The following TMEM150B variants were observed in gnomAD, a reference collection of about 807,000 sequenced individuals.
TMEM150B encodes the protein transmembrane protein 150B.
A neutral mutation model predicts 25.2 loss-of-function variants in TMEM150B; 33 were observed. The ratio of observed to expected loss-of-function variants is 1.31; its 90% CI spans 0.99 to 1.75. TMEM150B has a LOEUF of 1.75. TMEM150B is among the 40% of genes most tolerant of loss of function. The pLI is 0.00. For synonymous variants in TMEM150B, 133 were observed against 134.8 expected, an observed-to-expected ratio of 0.99 and a Z score of 0.09; for missense variants, 322 against 306.1, an observed-to-expected ratio of 1.05 and a Z score of -0.39.
chr19:55,322,798 C>T, intron 1 of TMEM150B, 55 bp from the exon 2 acceptor site: 8 of 879,568 alleles, frequency 9.1e-6, no homozygotes, highest in Non-Finnish European at 9.5e-6. Flanking sequence ...GTCTGACTGC[C>T]ACTTCCTAAC....
At chr19:55,319,754 A>C in intron 6 of TMEM150B, 1 of 1,233,780 alleles carries the variant, frequency 8.1e-7, no homozygotes, top group Non-Finnish European at 1.0e-6. Context: ...CTGGACCAGT[A>C]ATTTCATCAT....
downstream of TMEM150B, among the ~76,000 whole-genome samples, chr19:55,311,447 G>A (rs1398770900): frequency 1.3e-5 from 2 of 152,122 alleles, no homozygotes; most frequent in Non-Finnish European, 2.9e-5. Context: ...TGAGGGGCCT[G>A]AGACCCCCCC....
Position 55,312,944 on chromosome 19 carries a change from A to G in TMEM150B, c.617T>C (p.Leu206Pro), listed in dbSNP as rs776225757. The G allele has an allele frequency of 5.0e-6, 8 of 1,612,948 alleles. No individual in the cohort carries two copies. The Admixed American group carries it at 6.7e-5, about 13-fold the overall frequency. Residue 206 changes from leucine (L) to proline (P), a missense_variant, in exon 8 of 8, where the codon CTG (leucine) becomes CCG (proline). Coordinates refer to ENST00000326652, the MANE Select transcript of TMEM150B (RefSeq NM_001282011.2). ...FGLLAVDFSALESCTLCVQPW... is the reference protein window; with the variant it reads ...FGLLAVDFSAPESCTLCVQPW... ...CTGAACACACAGGGTGCAGCTCTCC[A>G]GGGCGGAGAAGTCAACGGCTAAGAG...
chr19:55,313,334 C>T (rs1568995668), intron 7 of TMEM150B, among the ~76,000 whole-genome samples: 1 of 152,160 alleles, frequency 6.6e-6, no homozygotes, highest in Non-Finnish European at 1.5e-5. Context: ...TTCCCTGACC[C>T]AGGGAAGGGC....
At chr19:55,320,010 A>G in intron 6 of TMEM150B, 29 bp downstream of exon 6, 1 of 1,613,560 alleles carries the variant, frequency 6.2e-7, no homozygotes, top group East Asian at 2.2e-5. Context: ...GCCGGCCGGG[A>G]CAGACCCTGG....
At chr19:55,313,951 G>A (rs547435151) in intron 7 of TMEM150B, among the ~76,000 whole-genome samples, 2 of 152,158 alleles carry the variant, frequency 1.3e-5, no homozygotes, top group South Asian at 4.2e-4. Flanking sequence ...TACAATCCCA[G>A]CACTTTGGGA....
At chr19:55,311,910 G>C (rs781037937), downstream of TMEM150B, 1 of 1,611,316 alleles carries the variant, frequency 6.2e-7, no homozygotes, top group Non-Finnish European at 8.5e-7. Flanking sequence ...CTCCCTTGCA[G>C]ACGAGAAGAA....
At chr19:55,320,863 T>C (rs12984144) in intron 3 of TMEM150B, 106 bp downstream of exon 3, 3 of 1,284,924 alleles carry the variant, frequency 2.3e-6, no homozygotes, top group Non-Finnish European at 3.1e-6. Context: ...CTCCCTCAGA[T>C]CCAGGGATCC....
At chr19:55,315,908 C>A (rs542232463) in intron 7 of TMEM150B, among the ~76,000 whole-genome samples, 2 of 151,818 alleles carry the variant, frequency 1.3e-5, no homozygotes, top group African/African-American at 4.8e-5. Flanking sequence ...CCAGCCTGGG[C>A]GACAGAGCAA....
At chr19:55,312,569 AAT>A, downstream of TMEM150B, 2 of 315,470 alleles carry the variant, frequency 6.3e-6, no homozygotes, top group Non-Finnish European at 5.7e-6. Flanking sequence ...AAAAGATAAT[AAT>A]AATAAATAGC....
chr19:55,316,424 G>A (rs573679072), intron 7 of TMEM150B, among the ~76,000 whole-genome samples: 34 of 152,096 alleles, frequency 2.2e-4, no homozygotes, highest in Admixed American at 1.5e-3. Context: ...TTCTTCCAGC[G>A]TCTATTGGTC....
At chr19:55,318,644 G>GTA (rs1341050742) in intron 6 of TMEM150B, among the ~76,000 whole-genome samples, 3 of 152,018 alleles carry the variant, frequency 2.0e-5, no homozygotes, top group East Asian at 3.9e-4. Flanking sequence ...TCCAATATAT[G>GTA]TATATATATA....
In TMEM150B at chr19:55,316,950, G is replaced by A. The variant is rs1025112693; in HGVS notation, c.341C>T (p.Pro114Leu). ...VGNFQEKNQR[P>L]THLAGAFLAF... ...AAGGAAGGCCCCTGCCAAGTGCGTA[G>A]GCCGCTGGTTCTTTTCCTGGGAGGA... Residue 114 changes from proline (P) to leucine (L), a missense_variant, in exon 7 of 8, where the codon CCT (proline) becomes CTT (leucine). By Grantham distance (98) the Pro-to-Leu change is moderately conservative. Transcript: ENST00000326652. The A allele has an allele frequency of 3.7e-6, 6 of 1,601,702 alleles. No individual in the cohort carries two copies. The highest frequency in any genetic ancestry group is 5.1e-6 in the Non-Finnish European group (6 of 1,175,894).
chr19:55,317,346 T>C (rs1026696678), intron 6 of TMEM150B, among the ~76,000 whole-genome samples: 5 of 152,208 alleles, frequency 3.3e-5, no homozygotes, highest in African/African-American at 1.2e-4. Flanking sequence ...ATTAAAATTT[T>C]AAAATACTTA....
In TMEM150B at chr19:55,312,965, AAG is replaced by A; in HGVS notation, c.594_595del (p.Leu199SerfsTer3). ...CTCCAGGGCGGAGAAGTCAACGGCT[AAG>A]AGACCGAAGAGCGCGAACAGCAGCA... is the stretch of plus-strand genomic sequence containing the variant. On this transcript the variant is annotated frameshift_variant, in exon 8 of 8. Coordinates refer to ENST00000326652, the MANE Select transcript of TMEM150B (RefSeq NM_001282011.2). LOFTEE classifies it low-confidence loss of function (END_TRUNC). 1 of 1,613,454 alleles carries A rather than the reference AAG, an allele frequency of 6.2e-7. No individual in the cohort carries two copies. Among genetic ancestry groups the A allele is most frequent in the Non-Finnish European group, 8.5e-7 (1 of 1,179,688 alleles).
rs1330799959 is a variant in TMEM150B, at chr19:55,321,059, T to TC, written c.-24dup. 2 of 1,607,998 alleles carry TC rather than the reference T, an allele frequency of 1.2e-6. No homozygotes were observed. Among genetic ancestry groups the TC allele is most frequent in the African/African-American group, 2.7e-5 (2 of 74,580 alleles). On this transcript the variant is annotated 5_prime_UTR_variant, in exon 3 of 8. Coordinates refer to ENST00000326652, the MANE Select transcript of TMEM150B (RefSeq NM_001282011.2). ...CATGCCGGGCTCTGCAGGTGAAGGATCGGGGCTGAGGCTGGACACCTGTCT... is the reference window on the plus strand; with the variant it reads ...CATGCCGGGCTCTGCAGGTGAAGGATCCGGGGCTGAGGCTGGACACCTGTCT...
At chr19:55,315,556 T>C (rs545076322) in intron 7 of TMEM150B, among the ~76,000 whole-genome samples, 25 of 152,050 alleles carry the variant, frequency 1.6e-4, no homozygotes, top group African/African-American at 5.1e-4. Context: ...GGTCAAGAGA[T>C]CAAGACCATC....
At chr19:55,321,413 G>A (rs1460153344) in intron 2 of TMEM150B, among the ~76,000 whole-genome samples, 1 of 152,014 alleles carries the variant, frequency 6.6e-6, no homozygotes, top group Non-Finnish European at 1.5e-5. Flanking sequence ...GACTGGGGCT[G>A]GGTGAGCTTA....
Position 55,319,430 on chromosome 19 carries a change from C to CTTTTTTTTTTTTTT in TMEM150B, c.324+608_324+609insAAAAAAAAAAAAAA, listed in dbSNP as rs1453085176. On this transcript the variant is annotated intron_variant, in intron 6 of 7. Coordinates refer to ENST00000326652, the MANE Select transcript of TMEM150B (RefSeq NM_001282011.2). Reference sequence around the variant, plus strand: ...GCCCGGCCAGTAATTTCATCTTCTTCTTCTTTTTTTTTTTTTTTTTTTTTT... The same window carrying CTTTTTTTTTTTTTT: ...GCCCGGCCAGTAATTTCATCTTCTTCTTTTTTTTTTTTTTTTCTTTTTTTTTTTTTTTTTTTTTT... 19 of 89,056 alleles carry CTTTTTTTTTTTTTT rather than the reference C, an allele frequency of 2.1e-4. 1 individual carries two copies. Among genetic ancestry groups the CTTTTTTTTTTTTTT allele is most frequent in the African/African-American group, 3.4e-4 (8 of 23,290 alleles). 5.5% of individuals were successfully genotyped at this position (89,056 alleles called of 1,614,324 possible). A position where few individuals can be genotyped will look rare whatever the true frequency, so the allele number is the denominator to read the frequency against.
Sources: gnomAD v4.1 joint callset for allele counts (sites outside exome capture counted in the v4.1 genomes callset) on GRCh38, gnomAD v4.1.1 for gene constraint, MANE v1.5 for transcripts, NCBI Gene and HGNC (gene_info 2026-07-23, HGNC 2026-07-21) for gene names.